The following CHSY3 variants were observed in gnomAD, a reference collection of about 807,000 sequenced individuals.
CHSY3 encodes the protein N-acetylgalactosaminyl-proteoglycan 3-beta-glucuronosyltransferase 3.
A neutral mutation model predicts 67.2 loss-of-function variants in CHSY3; 35 were observed. The ratio of observed to expected loss-of-function variants is 0.52; its 90% confidence interval spans 0.40 to 0.69. The LOEUF is 0.69. Among genes scored for constraint, CHSY3 ranks in the 30% least tolerant of loss-of-function variants. The pLI is 0.00. For missense variants in CHSY3, 1,069 were observed against 1,138.5 expected (o/e 0.94, Z 0.88); for synonymous variants, 474 against 434.7 (o/e 1.09, Z -1.12).
At chr5:129,978,456 G>A (rs1206488912) in intron 2 of CHSY3, among the ~76,000 whole-genome samples, 1 of 152,108 alleles carries the variant, frequency 6.6e-6, no homozygotes. Context: ...TTTAAAATAT[G>A]TAAATATACA....
chr5:129,983,953 C>A (rs1580612845), intron 2 of CHSY3, among the ~76,000 whole-genome samples: 1 of 151,908 alleles, frequency 6.6e-6, no homozygotes, highest in African/African-American at 2.4e-5. Flanking sequence ...TGCATTTTAG[C>A]AAAAAATTTT....
intron 2 of CHSY3, among the ~76,000 whole-genome samples, chr5:130,145,107 A>G (rs1166547276): frequency 3.3e-5 from 5 of 152,176 alleles, no homozygotes; most frequent in African/African-American, 1.2e-4. Flanking sequence ...AAACCATTAA[A>G]GAGAAACCAC....
chr5:130,120,912 T>A (rs1294479937), intron 2 of CHSY3, among the ~76,000 whole-genome samples: 2 of 152,210 alleles, frequency 1.3e-5, no homozygotes, highest in Non-Finnish European at 2.9e-5. Context: ...GTATGTGGGA[T>A]GGACCACCTT....
chr5:129,913,564 T>A (rs1760638549), intron 2 of CHSY3, among the ~76,000 whole-genome samples: 1 of 152,204 alleles, frequency 6.6e-6, no homozygotes, highest in Non-Finnish European at 1.5e-5. Context: ...GTTTTGTTTT[T>A]TGATTTTGTT....
chr5:129,910,197 T>C (rs950485312), intron 2 of CHSY3, among the ~76,000 whole-genome samples: 15 of 152,022 alleles, frequency 9.9e-5, no homozygotes, highest in Non-Finnish European at 1.9e-4. Context: ...TATTAACTGA[T>C]GTAAGAGCAA....
chr5:130,176,379 TAAG>T (rs1484052512), intron 2 of CHSY3, among the ~76,000 whole-genome samples: 1 of 152,038 alleles, frequency 6.6e-6, no homozygotes, highest in Non-Finnish European at 1.5e-5. Flanking sequence ...TGTGGAGAAA[TAAG>T]AATGCTTTTA....
intron 2 of CHSY3, among the ~76,000 whole-genome samples, chr5:129,923,175 AG>A (rs1013230421): frequency 1.3e-5 from 2 of 152,154 alleles, no homozygotes; most frequent in Non-Finnish European, 2.9e-5. Flanking sequence ...TTGCAGAACT[AG>A]TGATTGATTA....
chr5:130,168,547 C>T (rs1217786819), intron 2 of CHSY3, among the ~76,000 whole-genome samples: 1 of 151,976 alleles, frequency 6.6e-6, no homozygotes. Flanking sequence ...TCTTAAGTTA[C>T]GTTTTATTTT....
chr5:129,986,284 T>A (rs552034252), intron 2 of CHSY3, among the ~76,000 whole-genome samples: 1 of 152,308 alleles, frequency 6.6e-6, no homozygotes, highest in African/African-American at 2.4e-5. Context: ...ATTGAGATGA[T>A]CATGTGGTTT....
intron 2 of CHSY3, among the ~76,000 whole-genome samples, chr5:130,125,260 TA>T (rs1252314258): frequency 6.6e-6 from 1 of 152,084 alleles, no homozygotes; most frequent in Non-Finnish European, 1.5e-5. Context: ...CTCCAAAAAT[TA>T]AACAAATCAG....
At chr5:130,001,903 C>T in intron 2 of CHSY3, 2 of 912,608 alleles carry the variant, frequency 2.2e-6, no homozygotes, top group Non-Finnish European at 2.6e-6. Flanking sequence ...GAAGCTGAAA[C>T]AGTCACTTAA....
chr5:130,155,078 T>C (rs1769333096), intron 2 of CHSY3, among the ~76,000 whole-genome samples: 1 of 152,236 alleles, frequency 6.6e-6, no homozygotes, highest in African/African-American at 2.4e-5. Context: ...GGTAGACCGC[T>C]ACTCCCTGGG....
intron 2 of CHSY3, among the ~76,000 whole-genome samples, chr5:130,180,528 T>A (rs1054263961): frequency 6.6e-6 from 1 of 152,082 alleles, no homozygotes; most frequent in African/African-American, 2.4e-5. Context: ...TTGTTTTTGT[T>A]TTTTGTTTTT....
intron 2 of CHSY3, among the ~76,000 whole-genome samples, chr5:130,151,420 A>T (rs79262133): frequency 0.023 from 3,497 of 152,318 alleles, 137 homozygotes; most frequent in African/African-American, 0.078. Context: ...AAGTACTGAC[A>T]TGCTCAAATC....
chr5:130,178,185 GTGTATATATATATATTTATATATATA>G (rs1273477363), intron 2 of CHSY3, among the ~76,000 whole-genome samples: 4 of 101,878 alleles, frequency 3.9e-5, no homozygotes, highest in Non-Finnish European at 7.8e-5. Flanking sequence ...ATATGTGTGT[GTGTATATATATATATTTATATATATA>G]TGTATATATT....
intron 2 of CHSY3, among the ~76,000 whole-genome samples, chr5:130,008,808 T>C (rs541402285): frequency 6.1e-4 from 93 of 152,228 alleles, no homozygotes; most frequent in African/African-American, 2.2e-3. Flanking sequence ...CTACAAGAAA[T>C]TCATTCTATA....
At chr5:130,108,571 T>G (rs1256064516) in intron 2 of CHSY3, among the ~76,000 whole-genome samples, 1 of 151,740 alleles carries the variant, frequency 6.6e-6, no homozygotes, top group Non-Finnish European at 1.5e-5. Flanking sequence ...TGTAATGCTT[T>G]GTCAAAAAGT....
At chr5:129,947,519 A>G (rs1193817706) in intron 2 of CHSY3, among the ~76,000 whole-genome samples, 1 of 151,844 alleles carries the variant, frequency 6.6e-6, no homozygotes, top group Non-Finnish European at 1.5e-5. Context: ...GCTACTTGGG[A>G]GGCTGAGACA....
intron 2 of CHSY3, among the ~76,000 whole-genome samples, chr5:130,001,099 C>A (rs1293205003): frequency 2.0e-5 from 3 of 151,236 alleles, no homozygotes; most frequent in African/African-American, 7.3e-5. Context: ...CCAGGCTGGT[C>A]TTTATCTCTT....
Sources: gnomAD v4.1 joint callset for allele counts (sites outside exome capture counted in the v4.1 genomes callset) on GRCh38, gnomAD v4.1.1 for gene constraint, MANE v1.5 for transcripts, NCBI Gene and HGNC (gene_info 2026-07-23, HGNC 2026-07-21) for gene names.